Variants in JAKMIP3 observed in about 807,000 individuals in gnomAD.
JAKMIP3 encodes Janus kinase and microtubule interacting protein 3.
JAKMIP3 carries 58 observed loss-of-function variants against 118.5 expected under a neutral mutation model. The ratio of observed to expected loss-of-function variants is 0.49; its 90% CI spans 0.40 to 0.61. JAKMIP3 has a LOEUF of 0.61. Ranked by LOEUF, JAKMIP3 falls within the 20% of genes least tolerant of loss-of-function variation. The probability of loss-of-function intolerance (pLI) is 0.00; values close to 1 mark genes in which losing one functional copy is unlikely to be tolerated. For synonymous variants in JAKMIP3, 486 were observed against 451.2 expected, an observed-to-expected ratio of 1.08 and a Z score of -0.98; for missense variants, 950 against 1,109.0, an observed-to-expected ratio of 0.86 and a Z score of 2.04.
intron 1 of JAKMIP3, among the ~76,000 whole-genome samples, chr10:132,075,697 G>A (rs80316048): frequency 0.015 from 2,339 of 152,106 alleles, 69 homozygotes; most frequent in African/African-American, 0.053. Context: ...AATACACCAC[G>A]CCCTGCCTCA....
In JAKMIP3 at chr10:132,109,097, T is replaced by TAC. The variant is rs1564908455; in HGVS notation, c.135+4155_135+4156insCA. ...ATACACATATATATACACACACATA[T>TAC]ATATATACACACACACATATATATA... On this transcript the variant is annotated intron_variant, in intron 2 of 23. Coordinates refer to ENST00000684848, the MANE Select transcript of JAKMIP3 (RefSeq NM_001323087.2). Among the ~76,000 whole-genome samples the TAC allele has an allele frequency of 5.6e-5, 8 of 143,926 alleles. 1 individual carries two copies. Among genetic ancestry groups the TAC allele is most frequent in the African/African-American group, 2.2e-4 (8 of 37,102 alleles). 94.4% of individuals were successfully genotyped at this position (143,926 alleles called of 152,430 possible).
intron 11 of JAKMIP3, among the ~76,000 whole-genome samples, chr10:132,142,486 C>T (rs1212188666): frequency 5.2e-5 from 5 of 95,910 alleles, no homozygotes; most frequent in African/African-American, 2.9e-4. Context: ...CTGCCCCGGC[C>T]CCGGCCCCGG....
At chr10:132,062,945 G>A (rs183101908), upstream of JAKMIP3, among the ~76,000 whole-genome samples, 150 of 152,292 alleles carry the variant, frequency 9.8e-4, 2 homozygotes, top group Admixed American at 2.6e-3. Flanking sequence ...GTCAGGACCT[G>A]CAATATAATA....
intron 1 of JAKMIP3, among the ~76,000 whole-genome samples, chr10:132,046,148 C>T (rs1320131982): frequency 6.6e-6 from 1 of 152,016 alleles, no homozygotes; most frequent in East Asian, 1.9e-4. Flanking sequence ...CACTCTCTGA[C>T]TTCACATAGA....
chr10:132,116,373 G>A (rs1406937096), intron 2 of JAKMIP3, among the ~76,000 whole-genome samples: 2 of 151,372 alleles, frequency 1.3e-5, no homozygotes, highest in Non-Finnish European at 2.9e-5. Flanking sequence ...ATTCAGGTGT[G>A]AGTGTGTGCA....
chr10:132,136,388 A>G (rs1417121439), intron 6 of JAKMIP3, among the ~76,000 whole-genome samples: 1 of 152,120 alleles, frequency 6.6e-6, no homozygotes, highest in East Asian at 1.9e-4. Context: ...ATCCCGGGCG[A>G]GGGTAGTAAG....
At chr10:132,140,202 C>T (rs1416852695) in intron 9 of JAKMIP3, among the ~76,000 whole-genome samples, 1 of 152,258 alleles carries the variant, frequency 6.6e-6, no homozygotes, top group South Asian at 2.1e-4. Context: ...CATTCCCCAC[C>T]ACCAAGGGCA....
chr10:132,049,908 C>G lies in JAKMIP3; in HGVS notation c.-138+13170C>G, dbSNP rs1464990848. 6.6e-6 allele frequency among the ~76,000 whole-genome samples: 1 copy of G among 152,204 alleles called. No individual in the cohort carries two copies. The highest frequency in any genetic ancestry group is 2.4e-5 in the African/African-American group (1 of 41,468). ...TTGGGATATTTTACAAGGTTCCCAG[C>G]TTAATGAATCCCTTTTCTGTCAGCC... On this transcript the variant is annotated intron_variant, in intron 1 of 23. Transcript: ENST00000657785. This position sits in a 1 kb window ranked among gnomAD's most constrained non-coding sequence, Gnocchi z 4.3.
chr10:132,096,453 G>A (rs2172130), intron 1 of JAKMIP3, among the ~76,000 whole-genome samples: 25,027 of 152,082 alleles, frequency 0.16, 2,284 homozygotes, highest in Admixed American at 0.26. Context: ...GCCGACGGCT[G>A]TTTCCTTAAC....
chr10:132,091,708 G>C (rs961335976), intron 1 of JAKMIP3, among the ~76,000 whole-genome samples: 1 of 152,106 alleles, frequency 6.6e-6, no homozygotes, highest in African/African-American at 2.4e-5. Flanking sequence ...ACACTGATGG[G>C]TCTTGACTCT....
At chr10:132,086,401 A>G (rs985534368) in intron 1 of JAKMIP3, among the ~76,000 whole-genome samples, 1 of 152,066 alleles carries the variant, frequency 6.6e-6, no homozygotes, top group Non-Finnish European at 1.5e-5. Flanking sequence ...GTTTAAATCC[A>G]TTGTTTCTTT....
intron 12 of JAKMIP3, 106 bp from the exon 13 acceptor site, chr10:132,145,412 C>A: frequency 8.7e-7 from 1 of 1,150,302 alleles, no homozygotes; most frequent in Non-Finnish European, 1.3e-6. Context: ...CGGGGCTTTG[C>A]CACGCTGGCC....
Position 132,097,964 on chromosome 10 carries a change from T to C in JAKMIP3, c.-137-6708T>C, listed in dbSNP as rs1477472406. On this transcript the variant is annotated intron_variant, in intron 1 of 23. Coordinates refer to ENST00000684848, the MANE Select transcript of JAKMIP3 (RefSeq NM_001323087.2). The stretch of plus-strand genomic sequence containing the variant: ...TTCCCTTTCCCATCCCCTTTCCCTT[T>C]CCTTCCTTTTCTCCCCTTCCCCTTC... 1.0e-3 allele frequency among the ~76,000 whole-genome samples: 30 copies of C among 28,934 alleles called. 1 individual carries two copies. Among genetic ancestry groups the C allele is most frequent in the East Asian group, 1.8e-3 (1 of 564 alleles). 19.0% of individuals were successfully genotyped at this position (28,934 alleles called of 152,430 possible).
intron 14 of JAKMIP3, 32 bp downstream of exon 14, chr10:132,148,082 G>A (rs765688362): frequency 3.5e-6 from 5 of 1,423,660 alleles, no homozygotes; most frequent in African/African-American, 2.8e-5. Flanking sequence ...ACTGTGGCCT[G>A]TGGCTGTGTC....
At position 132,180,778 on chromosome 10, in the gene JAKMIP3, T is replaced by TGCGC. The variant is rs1409189501; in HGVS notation, c.*1104-1578_*1104-1577insCGCG. ...GTGTGTGCGTGTGTGTGCGTGTGTG[T>TGCGC]GTGTGCGCGTATGCATGTGCTGTGA... On this transcript the variant is annotated intron_variant, in intron 23 of 23. Transcript: ENST00000684848. 1.3e-4 allele frequency among the ~76,000 whole-genome samples: 6 copies of TGCGC among 46,404 alleles called. 1 individual carries two copies. Among genetic ancestry groups the TGCGC allele is most frequent in the Non-Finnish European group, 2.6e-4 (5 of 18,986 alleles). The allele number at this position is 46,404 out of a possible 152,430, so 30.4% of individuals were successfully genotyped here.
chr10:132,039,659 G>A (rs989128707), intron 1 of JAKMIP3, among the ~76,000 whole-genome samples: 1 of 152,174 alleles, frequency 6.6e-6, no homozygotes, highest in African/African-American at 2.4e-5. Flanking sequence ...CCTCCATAGC[G>A]CTGGGCTGTC....
At chr10:132,058,080 C>T (rs1214081903) in intron 1 of JAKMIP3, among the ~76,000 whole-genome samples, 6 of 152,140 alleles carry the variant, frequency 3.9e-5, no homozygotes, top group African/African-American at 1.2e-4. Context: ...GCTTGGTGTC[C>T]GGTGTTTGGG....
Position 132,179,521 on chromosome 10 carries a change from C to G in JAKMIP3, c.*1104-2836C>G, listed in dbSNP as rs2060499398. Among the ~76,000 whole-genome samples the G allele has an allele frequency of 6.6e-6, 1 of 152,186 alleles. No individual in the cohort carries two copies. Among genetic ancestry groups the G allele is most frequent in the South Asian group, 2.1e-4 (1 of 4,826 alleles). On this transcript the variant is annotated intron_variant, in intron 23 of 23. Transcript: ENST00000684848. This position sits in a 1 kb window ranked among gnomAD's most constrained non-coding sequence, Gnocchi z 4.3. ...CTGATACACTCACATAAACATTTGC[C>G]ACGTGAATGGCCAAGTACGTAAAAG...
intron 19 of JAKMIP3, among the ~76,000 whole-genome samples, chr10:132,154,889 GTGA>G: frequency 1.0e-5 from 1 of 95,872 alleles, no homozygotes; most frequent in East Asian, 3.3e-4. Flanking sequence ...GATGATGATG[GTGA>G]TGATCGTGAT....
Sources: allele counts gnomAD v4.1 joint callset (sites outside exome capture counted in the v4.1 genomes callset), GRCh38; gene constraint gnomAD v4.1.1; non-coding constraint Gnocchi (gnomAD v3.1); transcripts MANE v1.5; gene names NCBI Gene and HGNC (gene_info 2026-07-23, HGNC 2026-07-21).